LHFPL2: variants seen among roughly 807,000 people sequenced by gnomAD.
The protein encoded by LHFPL2 is LHFPL tetraspan subfamily member 2.
In LHFPL2, 7 loss-of-function variants were observed where a neutral mutation model predicts 17.5. The ratio of observed to expected loss-of-function variants is 0.40; its 90% confidence interval spans 0.23 to 0.75. The LOEUF is 0.75. Among genes scored for constraint, LHFPL2 ranks in the 30% least tolerant of loss-of-function variants. The probability of loss-of-function intolerance (pLI) is 0.37; values close to 1 mark genes in which losing one functional copy is unlikely to be tolerated. For synonymous variants in LHFPL2, 134 were observed against 116.2 expected (o/e 1.15, Z -0.99); for missense variants, 241 against 294.8 (o/e 0.82, Z 1.34).
At chr5:78,543,551 C>T in intron 3 of LHFPL2, among the ~76,000 whole-genome samples, 1 of 152,160 alleles carries the variant, frequency 6.6e-6, no homozygotes, top group East Asian at 1.9e-4. Context: ...GTAGGAGAGC[C>T]AAGCCCTCAG....
chr5:78,646,801 T>C (rs936118876), intron 1 of LHFPL2, among the ~76,000 whole-genome samples: 4 of 152,192 alleles, frequency 2.6e-5, no homozygotes, highest in Non-Finnish European at 5.9e-5. Context: ...AGGCACTGCT[T>C]TGTTCTCATC....
chr5:78,526,555 G>C (rs1159437216), intron 3 of LHFPL2, among the ~76,000 whole-genome samples: 1 of 152,160 alleles, frequency 6.6e-6, no homozygotes, highest in African/African-American at 2.4e-5. Flanking sequence ...AAATGCACCA[G>C]ATCGTTCCTT....
rs142681501 is a variant in LHFPL2 at position 78,563,089 on chromosome 5, C to T, written c.-186+1724G>A. On this transcript the variant is annotated intron_variant, in intron 3 of 4. Transcript: ENST00000380345. Reference sequence around the variant, plus strand: ...CAGTGCCTGGGAGTAGAAATAAATGCCCCTCCCCGGCACAGGCCTGCCTCC... The same window carrying T: ...CAGTGCCTGGGAGTAGAAATAAATGTCCCTCCCCGGCACAGGCCTGCCTCC... 9.7e-3 allele frequency among the ~76,000 whole-genome samples: 1,478 copies of T among 152,306 alleles called. 17 individuals are homozygous for T. Among genetic ancestry groups the T allele is most frequent in the African/African-American group, 0.034 (1,406 of 41,552 alleles).
chr5:78,495,615 G>A (rs1161452829), intron 4 of LHFPL2, among the ~76,000 whole-genome samples: 1 of 152,174 alleles, frequency 6.6e-6, no homozygotes, highest in Admixed American at 6.5e-5. Context: ...AATCTGTGGA[G>A]AGGCCACCAC....
chr5:78,635,054 G>T (rs1284427673), intron 1 of LHFPL2, among the ~76,000 whole-genome samples: 1 of 152,156 alleles, frequency 6.6e-6, no homozygotes, highest in African/African-American at 2.4e-5. Context: ...CAGAGTTCTG[G>T]TCCCTCGGGA....
chr5:78,565,179 T>C (rs1756827327), intron 2 of LHFPL2, among the ~76,000 whole-genome samples: 1 of 152,186 alleles, frequency 6.6e-6, no homozygotes, highest in Non-Finnish European at 1.5e-5. Context: ...AAAATACAAC[T>C]TGTGTCCGGG....
chr5:78,620,717 A>C (rs1307240851), intron 2 of LHFPL2, among the ~76,000 whole-genome samples: 2 of 152,242 alleles, frequency 1.3e-5, no homozygotes, highest in African/African-American at 4.8e-5. Flanking sequence ...CAGAGCACCC[A>C]CAATGCCACA....
At chr5:78,535,763 G>A (rs1308502257) in intron 3 of LHFPL2, among the ~76,000 whole-genome samples, 2 of 152,150 alleles carry the variant, frequency 1.3e-5, no homozygotes, top group East Asian at 3.9e-4. Context: ...TTACGGCAGG[G>A]GGAACACCTT....
intron 3 of LHFPL2, among the ~76,000 whole-genome samples, chr5:78,546,752 G>A (rs1456383262): frequency 6.6e-6 from 1 of 152,186 alleles, no homozygotes; most frequent in Admixed American, 6.5e-5. Flanking sequence ...TGATGACATA[G>A]TGGTCACACA....
intron 2 of LHFPL2, among the ~76,000 whole-genome samples, chr5:78,576,730 G>A (rs1757145405): frequency 6.6e-6 from 1 of 152,192 alleles, no homozygotes; most frequent in Non-Finnish European, 1.5e-5. Context: ...GGAGCCAGAT[G>A]AATTTAAAAT....
At chr5:78,558,362 T>C (rs1458235279) in intron 3 of LHFPL2, among the ~76,000 whole-genome samples, 4 of 152,228 alleles carry the variant, frequency 2.6e-5, no homozygotes, top group African/African-American at 9.6e-5. Flanking sequence ...AACTGGATTG[T>C]TAAAATAAAA....
chr5:78,488,882 A>G lies in LHFPL2; in HGVS notation c.*15T>C. ...AAGATTACTCAAGGGAGAAAATGGC[A>G]TTGTCTCTTCCAAACTAAAGGAGGC... On this transcript the variant is annotated 3_prime_UTR_variant, in exon 5 of 5. Transcript: ENST00000380345. The G allele has an allele frequency of 6.2e-7, 1 of 1,612,672 alleles. No homozygotes were observed. Among genetic ancestry groups the G allele is most frequent in the Non-Finnish European group, 8.5e-7 (1 of 1,179,192 alleles).
chr5:78,510,932 T>C (rs902422700), intron 3 of LHFPL2, among the ~76,000 whole-genome samples: 2 of 152,192 alleles, frequency 1.3e-5, no homozygotes, highest in Non-Finnish European at 2.9e-5. Context: ...CCGCTTTTAT[T>C]TCCTCGAAAT....
intron 2 of LHFPL2, among the ~76,000 whole-genome samples, chr5:78,609,263 C>T (rs1322234660): frequency 6.6e-6 from 1 of 151,782 alleles, no homozygotes; most frequent in East Asian, 1.9e-4. Flanking sequence ...CCAGCCTGCC[C>T]AACATGGTGA....
At chr5:78,547,822 A>AC (rs751010031) in intron 3 of LHFPL2, among the ~76,000 whole-genome samples, 11 of 152,220 alleles carry the variant, frequency 7.2e-5, no homozygotes, top group Non-Finnish European at 1.5e-4. Flanking sequence ...CACTGTGGGA[A>AC]CCCAGAGGTA....
chr5:78,573,661 T>A (rs1392823882), intron 2 of LHFPL2, among the ~76,000 whole-genome samples: 1 of 152,234 alleles, frequency 6.6e-6, no homozygotes, highest in Non-Finnish European at 1.5e-5. Flanking sequence ...TTCATCTTTT[T>A]TCCCCCCATG....
intron 2 of LHFPL2, among the ~76,000 whole-genome samples, chr5:78,607,094 C>T (rs1460197782): frequency 1.3e-5 from 2 of 152,070 alleles, no homozygotes; most frequent in Non-Finnish European, 2.9e-5. Flanking sequence ...CTAATCACAT[C>T]CCAAGATGTA....
In LHFPL2 at chr5:78,605,953, A is replaced by T. The variant is rs150737762; in HGVS notation, c.-245+26311T>A. ...GAAATTGCTTTCGTCAGCCACACTC[A>T]ATAACACATTTTACAAAATTAACTT... On this transcript the variant is annotated intron_variant, in intron 2 of 4. Coordinates refer to ENST00000380345, the MANE Select transcript of LHFPL2 (RefSeq NM_005779.3). 1.4e-4 allele frequency among the ~76,000 whole-genome samples: 21 copies of T among 152,354 alleles called. No individual in the cohort carries two copies. The East Asian group carries it at 4.1e-3, about 29-fold the overall frequency.
intron 4 of LHFPL2, among the ~76,000 whole-genome samples, chr5:78,508,327 T>C (rs976015964): frequency 6.6e-6 from 1 of 152,152 alleles, no homozygotes; most frequent in African/African-American, 2.4e-5. Context: ...CCTGAGTCAC[T>C]TGTGGTGTGG....
Sources: allele counts gnomAD v4.1 joint callset (sites outside exome capture counted in the v4.1 genomes callset), GRCh38; gene constraint gnomAD v4.1.1; transcripts MANE v1.5; gene names NCBI Gene and HGNC (gene_info 2026-07-23, HGNC 2026-07-21).